CNTN5: variants seen among roughly 807,000 people sequenced by gnomAD.
CNTN5 encodes contactin 5.
Under a neutral mutation model 129.1 loss-of-function variants are expected in CNTN5, and 77 were observed. The ratio of observed to expected loss-of-function variants is 0.60; its 90% CI spans 0.50 to 0.72. The LOEUF is 0.72. Among genes scored for constraint, CNTN5 ranks in the 30% least tolerant of loss-of-function variants. CNTN5 has a pLI of 0.00. For synonymous variants in CNTN5, 509 were observed against 465.6 expected (o/e 1.09, Z -1.20); for missense variants, 1,478 against 1,328.8 (o/e 1.11, Z -1.75).
At chr11:99,847,684 C>T (rs1002864672) in intron 6 of CNTN5, among the ~76,000 whole-genome samples, 1 of 152,124 alleles carries the variant, frequency 6.6e-6, no homozygotes, top group Non-Finnish European at 1.5e-5. Context: ...GTAGTTTCAT[C>T]TATTTTTCCA....
At chr11:99,275,194 A>G (rs964605208) in intron 1 of CNTN5, among the ~76,000 whole-genome samples, 8 of 150,946 alleles carry the variant, frequency 5.3e-5, no homozygotes, top group African/African-American at 2.0e-4. Flanking sequence ...GTTCATTGAT[A>G]TATAAAAAAA....
intron 8 of CNTN5, among the ~76,000 whole-genome samples, chr11:99,986,408 A>C (rs758229255): frequency 3.9e-5 from 6 of 152,192 alleles, no homozygotes; most frequent in Non-Finnish European, 8.8e-5. Flanking sequence ...TGACAAATAT[A>C]AGGTCTTCCC....
intron 9 of CNTN5, among the ~76,000 whole-genome samples, chr11:100,028,540 G>A (rs1211631987): frequency 6.6e-6 from 1 of 152,142 alleles, no homozygotes; most frequent in Non-Finnish European, 1.5e-5. Flanking sequence ...ACTTTATGAA[G>A]CATTTGCCTA....
At chr11:100,181,635 ATAT>A (rs1312059069) in intron 13 of CNTN5, among the ~76,000 whole-genome samples, 2 of 152,050 alleles carry the variant, frequency 1.3e-5, no homozygotes, top group East Asian at 3.9e-4. Context: ...GCTGGTTGTG[ATAT>A]TATACTATAA....
chr11:100,314,358 T>C (rs1951535324), intron 21 of CNTN5, among the ~76,000 whole-genome samples: 1 of 152,128 alleles, frequency 6.6e-6, no homozygotes, highest in Non-Finnish European at 1.5e-5. Flanking sequence ...AGAAGTCAAA[T>C]TGAGACTTTA....
intron 4 of CNTN5, among the ~76,000 whole-genome samples, chr11:99,839,319 G>T (rs1947404071): frequency 1.3e-5 from 2 of 152,040 alleles, no homozygotes; most frequent in Non-Finnish European, 2.9e-5. Context: ...AAAATAATCG[G>T]GTGAAGTCTG....
chr11:99,200,554 C>T (rs1859118789), intron 1 of CNTN5, among the ~76,000 whole-genome samples: 1 of 152,182 alleles, frequency 6.6e-6, no homozygotes, highest in South Asian at 2.1e-4. Flanking sequence ...TGGCTGCACG[C>T]ATATGCAGCC....
At position 99,956,915 on chromosome 11, in the gene CNTN5, A is replaced by G; in HGVS notation, c.783A>G (p.Thr261=). ...ACCTTTATATTTCTAAAGTCCAAACATCAGATGTTGGCAGCTATATTTGTC... is the reference window on the plus strand; with the variant it reads ...ACCTTTATATTTCTAAAGTCCAAACGTCAGATGTTGGCAGCTATATTTGTC... The part of the protein sequence containing the change: ...TGNLYISKVQ[T]SDVGSYICLV... The change falls in exon 8 of 25, where the codon ACA becomes ACG. Residue 261 remains threonine (T), a synonymous_variant. Coordinates refer to ENST00000524871, the MANE Select transcript of CNTN5 (RefSeq NM_014361.4). 1 of 1,613,868 alleles carries G rather than the reference A, an allele frequency of 6.2e-7. No homozygotes were observed. Among genetic ancestry groups the G allele is most frequent in the South Asian group, 1.1e-5 (1 of 91,082 alleles).
At chr11:99,131,622 C>T (rs893170292) in intron 1 of CNTN5, among the ~76,000 whole-genome samples, 1 of 152,096 alleles carries the variant, frequency 6.6e-6, no homozygotes, top group Non-Finnish European at 1.5e-5. Context: ...CTATAAACAC[C>T]TTTATGCAAA....
chr11:100,075,812 T>G (rs1944102897), intron 13 of CNTN5, among the ~76,000 whole-genome samples: 2 of 152,134 alleles, frequency 1.3e-5, no homozygotes, highest in Non-Finnish European at 2.9e-5. Flanking sequence ...AATTCTGGTT[T>G]CTATCATTCT....
intron 2 of CNTN5, among the ~76,000 whole-genome samples, chr11:99,364,524 T>G (rs928364200): frequency 2.6e-5 from 4 of 152,098 alleles, no homozygotes; most frequent in African/African-American, 4.8e-5. Context: ...TAAAGAGATA[T>G]GAGCAAGACC....
intron 1 of CNTN5, among the ~76,000 whole-genome samples, chr11:99,076,338 CAAAACA>C: frequency 1.3e-5 from 2 of 150,922 alleles, no homozygotes; most frequent in Non-Finnish European, 3.0e-5. Context: ...AAAAACAAAA[CAAAACA>C]AAAACAAACC....
chr11:99,832,603 T>C (rs945093051), intron 4 of CNTN5, among the ~76,000 whole-genome samples: 6 of 151,996 alleles, frequency 3.9e-5, no homozygotes, highest in African/African-American at 1.5e-4. Flanking sequence ...GAAAGGCAAC[T>C]TAAAGTTAAA....
intron 3 of CNTN5, among the ~76,000 whole-genome samples, chr11:99,744,594 C>T (rs1381604149): frequency 7.4e-6 from 1 of 135,568 alleles, no homozygotes; most frequent in Non-Finnish European, 1.5e-5. Context: ...GTGGTAGCTG[C>T]CTGCAGTTCC....
chr11:100,074,189 T>TA lies in CNTN5; in HGVS notation c.1475_1476insA (p.Val493CysfsTer31). 13 of 1,612,738 alleles carry TA rather than the reference T, an allele frequency of 8.1e-6. No individual in the cohort carries two copies. Among genetic ancestry groups the TA allele is most frequent in the Non-Finnish European group, 1.0e-5 (12 of 1,179,306 alleles). ...CTGAATCAACTGAAGAAAACAATAA[T>TA]TGTTACCAAAGACCAAGAAGTTGTC... On this transcript the variant is annotated frameshift_variant, in exon 13 of 25. Transcript: ENST00000524871. LOFTEE classifies it high-confidence loss of function.
At chr11:100,285,635 AT>A (rs1950764884) in intron 18 of CNTN5, among the ~76,000 whole-genome samples, 1 of 152,200 alleles carries the variant, frequency 6.6e-6, no homozygotes, top group African/African-American at 2.4e-5. Context: ...ACACATTCAA[AT>A]GTCTTTGCTT....
In CNTN5 at chr11:99,138,538, A is replaced by G. The variant is rs542381908; in HGVS notation, c.-210+117268A>G. On this transcript the variant is annotated intron_variant, in intron 1 of 24. Coordinates refer to ENST00000524871, the MANE Select transcript of CNTN5 (RefSeq NM_014361.4). ...TTTTTAAACAATGTTGCGATGCATT[A>G]TAGGATGTTATGACATTTAAAGAAA... is the stretch of plus-strand genomic sequence containing the variant. Among the ~76,000 whole-genome samples the G allele has an allele frequency of 8.7e-4, 133 of 152,298 alleles. 1 individual carries two copies. The highest frequency in any genetic ancestry group is 3.2e-3 in the African/African-American group (131 of 41,564).
chr11:99,939,424 T>G (rs1950385311), intron 7 of CNTN5, among the ~76,000 whole-genome samples: 2 of 152,090 alleles, frequency 1.3e-5, no homozygotes, highest in South Asian at 4.1e-4. Context: ...GAAGTCAGTT[T>G]AATGCATTGA....
chr11:99,178,246 C>T (rs536269165), intron 1 of CNTN5, among the ~76,000 whole-genome samples: 3 of 147,222 alleles, frequency 2.0e-5, no homozygotes, highest in South Asian at 4.2e-4. Flanking sequence ...ATTTGGAGGC[C>T]AAGGCAGGAG....
Sources: allele counts gnomAD v4.1 joint callset (sites outside exome capture counted in the v4.1 genomes callset), GRCh38; gene constraint gnomAD v4.1.1; transcripts MANE v1.5; gene names NCBI Gene and HGNC (gene_info 2026-07-23, HGNC 2026-07-21).